SLCO1A2: variants seen among roughly 807,000 people sequenced by gnomAD.
The protein encoded by SLCO1A2 is OATP-1.
SLCO1A2 carries 67 observed loss-of-function variants against 69.0 expected under a neutral mutation model. The ratio of observed to expected loss-of-function variants is 0.97; its 90% CI spans 0.80 to 1.19. SLCO1A2 has a LOEUF of 1.19. Among genes scored for constraint, SLCO1A2 ranks in the 50% most tolerant of loss-of-function variants. The pLI is 0.00. For missense variants in SLCO1A2, 787 were observed against 793.7 expected, an observed-to-expected ratio of 0.99 and a Z score of 0.10; for synonymous variants, 260 against 265.9, an observed-to-expected ratio of 0.98 and a Z score of 0.22.
At chr12:21,391,513 C>G (rs748417531) in intron 1 of SLCO1A2, among the ~76,000 whole-genome samples, 1 of 152,016 alleles carries the variant, frequency 6.6e-6, no homozygotes, top group Non-Finnish European at 1.5e-5. Context: ...TTGAAAAATA[C>G]TCAAAAGTTG....
rs76669231 is a variant in SLCO1A2, at chr12:21,319,593, G to A, written c.61-670C>T. On this transcript the variant is annotated intron_variant, in intron 2 of 14. Transcript: ENST00000683939. The stretch of plus-strand genomic sequence containing the variant: ...AGGGTTTCTCAGCTGCAGTGTAAAT[G>A]GAGGACCACACAAAAATGAGACTCC... The A allele has an allele frequency of 3.1e-3, 1,841 of 599,088 alleles. 20 individuals carry two copies. The highest frequency in any genetic ancestry group is 0.03 in the African/African-American group (1,569 of 52,202). 37.1% of individuals were successfully genotyped at this position (599,088 alleles called of 1,614,324 possible).
At chr12:21,303,169 A>C (rs2136474151) in intron 6 of SLCO1A2, among the ~76,000 whole-genome samples, 1 of 152,198 alleles carries the variant, frequency 6.6e-6, no homozygotes, top group Non-Finnish European at 1.5e-5. Context: ...TAGTACTAAT[A>C]ATTATGTAGT....
rs1278297785 is a variant in SLCO1A2 at position 21,266,330 on chromosome 12, A to AT, written c.*3217dup. 1 of 152,082 alleles carries AT rather than the reference A, an allele frequency of 6.6e-6. No homozygotes were observed. Among genetic ancestry groups the AT allele is most frequent in the Non-Finnish European group, 1.5e-5 (1 of 68,008 alleles). 9.4% of individuals were successfully genotyped at this position (152,082 alleles called of 1,614,324 possible). A position where few individuals can be genotyped will look rare whatever the true frequency, so the allele number is the denominator to read the frequency against. On this transcript the variant is annotated 3_prime_UTR_variant, in exon 15 of 15. Transcript: ENST00000683939. ...CTACTCCTTGTTGAACTGATTTGTTATTCTTAATATATTTATTCAGCTGCA... is the reference window on the plus strand; with the variant it reads ...CTACTCCTTGTTGAACTGATTTGTTATTTCTTAATATATTTATTCAGCTGCA...
intron 13 of SLCO1A2, 102 bp from the exon 14 acceptor site, chr12:21,274,688 A>C: frequency 3.4e-6 from 3 of 873,782 alleles, no homozygotes; most frequent in Non-Finnish European, 5.4e-6. Flanking sequence ...AAGTTTATCA[A>C]AACATAAATC....
At chr12:21,359,401 G>GA (rs796513737) in intron 2 of SLCO1A2, among the ~76,000 whole-genome samples, 183 of 146,768 alleles carry the variant, frequency 1.2e-3, no homozygotes, top group African/African-American at 2.9e-3. Flanking sequence ...AAACATTAGT[G>GA]AAAAAAAAAA....
chr12:21,398,789 A>G (rs995347174), upstream of SLCO1A2, among the ~76,000 whole-genome samples: 50 of 149,864 alleles, frequency 3.3e-4, no homozygotes, highest in South Asian at 1.3e-3. Context: ...GATTATCTCA[A>G]TAGATGCAGA....
At chr12:21,398,358 G>C (rs140670673), upstream of SLCO1A2, among the ~76,000 whole-genome samples, 1 of 135,636 alleles carries the variant, frequency 7.4e-6, no homozygotes, top group African/African-American at 2.7e-5. Flanking sequence ...CCAATAACAG[G>C]AGCTGAAATT....
At chr12:21,292,887 G>A (rs1256551268) in intron 11 of SLCO1A2, among the ~76,000 whole-genome samples, 3 of 152,068 alleles carry the variant, frequency 2.0e-5, no homozygotes, top group Non-Finnish European at 2.9e-5. Context: ...GAGACACCGC[G>A]CCCAGCTAAT....
At chr12:21,345,299 G>C (rs1953217218) in intron 2 of SLCO1A2, among the ~76,000 whole-genome samples, 1 of 152,014 alleles carries the variant, frequency 6.6e-6, no homozygotes, top group Non-Finnish European at 1.5e-5. Flanking sequence ...TCTCCTTGCA[G>C]TAGAAACAGT....
intron 1 of SLCO1A2, among the ~76,000 whole-genome samples, chr12:21,409,756 G>A (rs1482481280): frequency 8.5e-5 from 13 of 152,104 alleles, no homozygotes; most frequent in East Asian, 7.7e-4. Flanking sequence ...GATCACAGTC[G>A]TATATTTGAG....
rs1038951024 is a variant in SLCO1A2, at chr12:21,318,814, A to G, written c.170T>C (p.Leu57Pro). Reference sequence around the variant, plus strand: ...AAAGCTTCCATTAATGAATCCAACTAGAGATGTTGGGATGTTGAATTGTCT... The same window carrying G: ...AAAGCTTCCATTAATGAATCCAACTGGAGATGTTGGGATGTTGAATTGTCT... The part of the protein sequence containing the change: ...IERQFNIPTS[L>P]VGFINGSFEI... Residue 57 changes from leucine (L) to proline (P), a missense_variant, in exon 3 of 15, where the codon CTA becomes CCA. Physicochemically the swap from Leu to Pro is moderately conservative, Grantham distance 98. Transcript: ENST00000683939. 6.2e-7 allele frequency: 1 copy of G among 1,607,420 alleles called. No individual in the cohort carries two copies. The highest frequency in any genetic ancestry group is 8.5e-7 in the Non-Finnish European group (1 of 1,177,148).
At chr12:21,363,531 G>A (rs1368954710) in intron 2 of SLCO1A2, among the ~76,000 whole-genome samples, 1 of 152,070 alleles carries the variant, frequency 6.6e-6, no homozygotes, top group Non-Finnish European at 1.5e-5. Flanking sequence ...CAGAAGGCAA[G>A]AAATAACTAA....
At chr12:21,373,387 G>T in intron 2 of SLCO1A2, 1 of 1,613,548 alleles carries the variant, frequency 6.2e-7, no homozygotes, top group Non-Finnish European at 8.5e-7. Context: ...TTCTCATTGT[G>T]CTCTCTGTTG....
intron 1 of SLCO1A2, among the ~76,000 whole-genome samples, chr12:21,394,574 CACACACAACAAAA>C (rs1406208179): frequency 9.9e-5 from 15 of 151,132 alleles, no homozygotes; most frequent in African/African-American, 3.4e-4. Context: ...CACACACACA[CACACACAACAAAA>C]AACAAAAAAA....
chr12:21,329,502 C>CTT (rs76903379), intron 2 of SLCO1A2, among the ~76,000 whole-genome samples: 1 of 143,580 alleles, frequency 7.0e-6, no homozygotes, highest in East Asian at 2.0e-4. Flanking sequence ...AATATTTTTG[C>CTT]TTTTTTTTTT....
At chr12:21,271,823 GTA>G (rs1942916648) in intron 14 of SLCO1A2, among the ~76,000 whole-genome samples, 1 of 146,808 alleles carries the variant, frequency 6.8e-6, no homozygotes. Context: ...GTACTTATAT[GTA>G]TATATTATAT....
At chr12:21,287,267 T>C (rs1284912359) in intron 12 of SLCO1A2, among the ~76,000 whole-genome samples, 1 of 149,982 alleles carries the variant, frequency 6.7e-6, no homozygotes, top group Non-Finnish European at 1.5e-5. Flanking sequence ...AAATTGCTCA[T>C]CATCACTGGC....
intron 1 of SLCO1A2, among the ~76,000 whole-genome samples, chr12:21,411,886 A>G (rs530121116): frequency 6.6e-6 from 1 of 152,038 alleles, no homozygotes; most frequent in South Asian, 2.1e-4. Context: ...GGGTTTTGCC[A>G]TATTGCCTGA....
At chr12:21,374,955 A>C (rs1940083768) in intron 1 of SLCO1A2, among the ~76,000 whole-genome samples, 2 of 152,006 alleles carry the variant, frequency 1.3e-5, no homozygotes, top group African/African-American at 4.8e-5. Flanking sequence ...CTGGGACCAC[A>C]GGCACCTGCC....
Sources: gnomAD v4.1 joint callset for allele counts (sites outside exome capture counted in the v4.1 genomes callset) on GRCh38, gnomAD v4.1.1 for gene constraint, MANE v1.5 for transcripts, NCBI Gene and HGNC (gene_info 2026-07-23, HGNC 2026-07-21) for gene names.